The following DCAF6 variants were observed in gnomAD, a reference collection of about 807,000 sequenced individuals.
DCAF6 encodes the protein DDB1 and CUL4 associated factor 6.
In DCAF6, 54 loss-of-function variants were observed where a neutral mutation model predicts 125.1. The ratio of observed to expected loss-of-function variants is 0.43; its 90% confidence interval spans 0.35 to 0.54. DCAF6 has a LOEUF of 0.54. Among genes scored for constraint, DCAF6 ranks in the 20% least tolerant of loss-of-function variants. The probability of loss-of-function intolerance (pLI) is 0.01; values close to 1 mark genes in which losing one functional copy is unlikely to be tolerated. For synonymous variants in DCAF6, 371 were observed against 390.4 expected, an observed-to-expected ratio of 0.95 and a Z score of 0.58; for missense variants, 934 against 1,161.7, an observed-to-expected ratio of 0.80 and a Z score of 2.85.
At chr1:167,963,484 A>G (rs1479094771) in intron 2 of DCAF6, among the ~76,000 whole-genome samples, 1 of 144,518 alleles carries the variant, frequency 6.9e-6, no homozygotes, top group Non-Finnish European at 1.5e-5. Flanking sequence ...TCTGCCACCC[A>G]GGCTGGAGTA....
upstream of DCAF6, among the ~76,000 whole-genome samples, chr1:167,935,312 T>C (rs886068525): frequency 6.6e-6 from 1 of 152,210 alleles, no homozygotes; most frequent in Admixed American, 6.5e-5. Flanking sequence ...GAAAGTGACC[T>C]TTACTCCAAA....
intron 21 of DCAF6, among the ~76,000 whole-genome samples, chr1:168,069,254 C>T (rs1692739981): frequency 6.6e-6 from 1 of 152,162 alleles, no homozygotes; most frequent in Non-Finnish European, 1.5e-5. Flanking sequence ...CCTTACTCCC[C>T]TTTGACCTAT....
At chr1:168,013,712 T>G (rs529398528) in intron 10 of DCAF6, among the ~76,000 whole-genome samples, 6 of 152,216 alleles carry the variant, frequency 3.9e-5, no homozygotes, top group Non-Finnish European at 8.8e-5. Flanking sequence ...ACGTGTGTAT[T>G]AGCTCCCAAA....
intron 2 of DCAF6, 44 bp downstream of exon 2, chr1:167,951,905 A>C: frequency 7.9e-7 from 1 of 1,272,206 alleles, no homozygotes; most frequent in Non-Finnish European, 1.1e-6. Context: ...TTTGATACTA[A>C]GTGTTTAAGT....
chr1:168,030,682 T>C (rs532720827), intron 12 of DCAF6, among the ~76,000 whole-genome samples: 1 of 152,228 alleles, frequency 6.6e-6, no homozygotes, highest in South Asian at 2.1e-4. Context: ...GAATCCAGAG[T>C]ATAAGTTGCA....
intron 7 of DCAF6, among the ~76,000 whole-genome samples, chr1:167,994,083 GTAAA>G (rs763906699): frequency 4.6e-5 from 7 of 151,752 alleles, no homozygotes; most frequent in Admixed American, 1.3e-4. Flanking sequence ...ATAATTAATA[GTAAA>G]TAATTACTAG....
chr1:167,894,430 C>T, the DCAF6 span, among the ~76,000 whole-genome samples: 1 of 152,062 alleles, frequency 6.6e-6, no homozygotes, highest in Non-Finnish European at 1.5e-5. Context: ...CTCCTATTTC[C>T]TCACCTGGGA....
intron 13 of DCAF6, among the ~76,000 whole-genome samples, chr1:168,039,823 C>T (rs1021864506): frequency 6.7e-6 from 1 of 150,326 alleles, no homozygotes; most frequent in Non-Finnish European, 1.5e-5. Flanking sequence ...TATTTAAATT[C>T]ACTGGTTTCC....
the DCAF6 span, among the ~76,000 whole-genome samples, chr1:167,926,168 T>C: frequency 6.4e-4 from 97 of 152,374 alleles, no homozygotes; most frequent in African/African-American, 1.6e-3. Context: ...TTACATTTTC[T>C]TGTGTACGTT....
rs1436998709 is a variant in DCAF6, at chr1:167,951,855, T to C, written c.153T>C (p.Asp51=). 6.2e-7 allele frequency: 1 copy of C among 1,604,432 alleles called. No individual in the cohort carries two copies. The highest frequency in any genetic ancestry group is 8.5e-7 in the Non-Finnish European group (1 of 1,171,942). The change falls in exon 2 of 22, where the codon GAT becomes GAC. Residue 51 remains aspartate, a synonymous_variant. Transcript: ENST00000367840. The part of the protein sequence containing the change: ...LKLEATLNVH[D]GCVNTICWND... ...TTGAAGCAACCCTTAATGTGCATGATGGTTGTGTAAGTAATAGTTAATTCT... is the reference window on the plus strand; with the variant it reads ...TTGAAGCAACCCTTAATGTGCATGACGGTTGTGTAAGTAATAGTTAATTCT...
chr1:167,981,945 C>G (rs1679227984), intron 4 of DCAF6, among the ~76,000 whole-genome samples: 3 of 152,196 alleles, frequency 2.0e-5, no homozygotes, highest in Non-Finnish European at 4.4e-5. Context: ...TGAGAAATCT[C>G]CAAATTGTTT....
chr1:167,985,788 G>T (rs149797355), intron 4 of DCAF6, among the ~76,000 whole-genome samples: 1 of 152,132 alleles, frequency 6.6e-6, no homozygotes, highest in East Asian at 1.9e-4. Context: ...TGCTGGCATC[G>T]TGTATTTGTG....
At chr1:168,071,495 G>A (rs1009656001) in intron 21 of DCAF6, among the ~76,000 whole-genome samples, 1 of 151,972 alleles carries the variant, frequency 6.6e-6, no homozygotes, top group South Asian at 2.1e-4. Flanking sequence ...TTAGCTGGAC[G>A]TGATGGTGCA....
At chr1:168,009,027 C>T (rs982392194) in intron 10 of DCAF6, among the ~76,000 whole-genome samples, 3 of 148,564 alleles carry the variant, frequency 2.0e-5, no homozygotes, top group Non-Finnish European at 4.5e-5. Context: ...TAGACAGAGT[C>T]TTGCACTGTT....
Position 167,962,942 on chromosome 1 carries a change from G to A in DCAF6, c.160-3687G>A, listed in dbSNP as rs763524312. Among the ~76,000 whole-genome samples, 118 of 151,862 alleles carry A rather than the reference G, an allele frequency of 7.8e-4. 1 individual carries two copies. Among genetic ancestry groups the A allele is most frequent in the Non-Finnish European group, 2.8e-4 (19 of 67,976 alleles). On this transcript the variant is annotated intron_variant, in intron 2 of 21. Transcript: ENST00000367840. ...CTGCACGCCAGCCTGGCGATGAAGC[G>A]AGACTCCATCTCAAAAAACAAACAA...
intron 17 of DCAF6, among the ~76,000 whole-genome samples, chr1:168,059,744 C>T (rs994004856): frequency 6.6e-5 from 10 of 152,104 alleles, no homozygotes; most frequent in Admixed American, 6.5e-5. Context: ...CTCCTAGGCT[C>T]AGGCGATCCT....
the DCAF6 span, among the ~76,000 whole-genome samples, chr1:167,881,851 C>G: frequency 4.6e-5 from 7 of 152,184 alleles, no homozygotes; most frequent in Non-Finnish European, 7.3e-5. Context: ...TCTTATGATA[C>G]CCATGGGTCA....
chr1:167,882,822 G>A, the DCAF6 span, among the ~76,000 whole-genome samples: 4 of 152,046 alleles, frequency 2.6e-5, no homozygotes, highest in Admixed American at 6.5e-5. Flanking sequence ...TAAGCAAAAC[G>A]TAATCTCGCC....
intron 17 of DCAF6, among the ~76,000 whole-genome samples, chr1:168,059,522 A>G (rs1691321698): frequency 6.6e-6 from 1 of 152,176 alleles, no homozygotes; most frequent in African/African-American, 2.4e-5. Context: ...TTTATAATCA[A>G]CTTTTTCAGT....
Sources: gnomAD v4.1 joint callset for allele counts (sites outside exome capture counted in the v4.1 genomes callset) on GRCh38, gnomAD v4.1.1 for gene constraint, MANE v1.5 for transcripts, NCBI Gene and HGNC (gene_info 2026-07-23, HGNC 2026-07-21) for gene names.